Variants in FOXO1 observed in about 807,000 individuals in gnomAD.
The protein encoded by FOXO1 is forkhead box protein O1.
A neutral mutation model predicts 44.1 loss-of-function variants in FOXO1; 6 were observed. The ratio of observed to expected loss-of-function variants is 0.14; its 90% CI spans 0.07 to 0.27. The LOEUF (loss-of-function observed/expected upper bound fraction) is 0.27. Among genes scored for constraint, FOXO1 ranks in the 10% least tolerant of loss-of-function variants. The probability of loss-of-function intolerance (pLI) is 1.00; values close to 1 mark genes in which losing one functional copy is unlikely to be tolerated. For missense variants in FOXO1, 737 were observed against 888.8 expected, an observed-to-expected ratio of 0.83 and a Z score of 2.17; for synonymous variants, 380 against 362.7, an observed-to-expected ratio of 1.05 and a Z score of -0.54.
chr13:40,582,060 T>C (rs1028915165), intron 1 of FOXO1, among the ~76,000 whole-genome samples: 4 of 152,164 alleles, frequency 2.6e-5, no homozygotes, highest in Non-Finnish European at 5.9e-5. Flanking sequence ...ATGCCTTTCT[T>C]CATGTATGAA....
At chr13:40,624,366 AAG>A (rs1876718322) in intron 1 of FOXO1, among the ~76,000 whole-genome samples, 2 of 151,914 alleles carry the variant, frequency 1.3e-5, no homozygotes, top group African/African-American at 4.8e-5. Context: ...CCTAAGAGCA[AAG>A]AGAAATATGT....
intron 1 of FOXO1, among the ~76,000 whole-genome samples, chr13:40,604,965 C>A (rs1468127999): frequency 1.3e-5 from 2 of 152,030 alleles, no homozygotes; most frequent in Non-Finnish European, 2.9e-5. Context: ...CTATAGAAAC[C>A]TGGAATCTTT....
intron 1 of FOXO1, among the ~76,000 whole-genome samples, chr13:40,630,356 G>C (rs1285526007): frequency 6.6e-6 from 1 of 152,004 alleles, no homozygotes; most frequent in African/African-American, 2.4e-5. Flanking sequence ...AAAATCATTT[G>C]TCAACATGGA....
chr13:40,562,496 C>T (rs550678945), intron 1 of FOXO1, among the ~76,000 whole-genome samples: 11 of 152,260 alleles, frequency 7.2e-5, no homozygotes, highest in Admixed American at 1.3e-4. Flanking sequence ...ATTACAGAGC[C>T]TTATCAGGGT....
chr13:40,612,710 G>GAA (rs1198254694), intron 1 of FOXO1, among the ~76,000 whole-genome samples: 1 of 152,150 alleles, frequency 6.6e-6, no homozygotes, highest in Non-Finnish European at 1.5e-5. Flanking sequence ...GAGAGAGAGA[G>GAA]AAACCACATT....
intron 1 of FOXO1, among the ~76,000 whole-genome samples, chr13:40,605,408 G>A (rs1325458902): frequency 6.6e-6 from 1 of 152,094 alleles, no homozygotes; most frequent in African/African-American, 2.4e-5. Context: ...TAACCTAACA[G>A]TATTACCGTC....
In FOXO1 at chr13:40,608,403, G is replaced by T. The variant is rs118189580; in HGVS notation, c.631-47543C>A. On this transcript the variant is annotated intron_variant, in intron 1 of 2. Coordinates refer to ENST00000379561, the MANE Select transcript of FOXO1 (RefSeq NM_002015.4). ...CCTAGTCGCTCACCTTCCAGCCAAG[G>T]CCTCAAAGTGAGACACATGGAGTAG... 1.2e-3 allele frequency among the ~76,000 whole-genome samples: 181 copies of T among 152,264 alleles called. 1 individual carries two copies. The South Asian group carries it at 0.021, about 18-fold the overall frequency.
chr13:40,659,616 T>G (rs1331335478), intron 1 of FOXO1, among the ~76,000 whole-genome samples: 2 of 151,866 alleles, frequency 1.3e-5, no homozygotes, highest in African/African-American at 2.4e-5. Flanking sequence ...TGACTTAATA[T>G]CAAAACTAAC....
intron 1 of FOXO1, among the ~76,000 whole-genome samples, chr13:40,569,100 A>G (rs76098812): frequency 0.01 from 1,542 of 152,362 alleles, 33 homozygotes; most frequent in African/African-American, 0.035. Flanking sequence ...AACTCTAGTC[A>G]GTCATTCCAA....
At chr13:40,620,787 T>C (rs899217831) in intron 1 of FOXO1, among the ~76,000 whole-genome samples, 9 of 143,736 alleles carry the variant, frequency 6.3e-5, no homozygotes, top group Admixed American at 4.3e-4. Flanking sequence ...AAAACTACTA[T>C]TCTTCCCCTT....
chr13:40,604,649 T>C (rs1875932790), intron 1 of FOXO1, among the ~76,000 whole-genome samples: 1 of 152,186 alleles, frequency 6.6e-6, no homozygotes, highest in Non-Finnish European at 1.5e-5. Flanking sequence ...GGCTGGAAGC[T>C]TTCTTCTTTA....
At chr13:40,583,184 A>T (rs1875021388) in intron 1 of FOXO1, among the ~76,000 whole-genome samples, 1 of 152,196 alleles carries the variant, frequency 6.6e-6, no homozygotes, top group Admixed American at 6.5e-5. Context: ...GTAGGTCTCA[A>T]CTGTGGGCTT....
chr13:40,639,708 C>T (rs143837117), intron 1 of FOXO1, among the ~76,000 whole-genome samples: 29 of 152,318 alleles, frequency 1.9e-4, no homozygotes, highest in African/African-American at 6.3e-4. Flanking sequence ...CAACACATCC[C>T]CACCCAAGCT....
At chr13:40,652,870 C>T (rs1388504837) in intron 1 of FOXO1, among the ~76,000 whole-genome samples, 1 of 152,150 alleles carries the variant, frequency 6.6e-6, no homozygotes, top group African/African-American at 2.4e-5. Context: ...GGTTATTTTG[C>T]TTTCAAGCTT....
chr13:40,585,303 G>A lies in FOXO1; in HGVS notation c.631-24443C>T, dbSNP rs776030195. ...CAATTTCCTGGAATTTTCCTCCCCC[G>A]CTTTCCCCTTTAGTATGTAAGTATT... is the stretch of plus-strand genomic sequence containing the variant. On this transcript the variant is annotated intron_variant, in intron 1 of 2. Coordinates refer to ENST00000379561, the MANE Select transcript of FOXO1 (RefSeq NM_002015.4). 8.2e-4 allele frequency among the ~76,000 whole-genome samples: 124 copies of A among 151,388 alleles called. 1 individual carries two copies. The highest frequency in any genetic ancestry group is 2.2e-3 in the Admixed American group (34 of 15,228).
At chr13:40,660,226 T>C (rs1317138623) in intron 1 of FOXO1, among the ~76,000 whole-genome samples, 1 of 152,148 alleles carries the variant, frequency 6.6e-6, no homozygotes, top group Non-Finnish European at 1.5e-5. Flanking sequence ...AGGCAAATCT[T>C]GAACTGCAGG....
At chr13:40,597,911 C>A (rs148516610) in intron 1 of FOXO1, among the ~76,000 whole-genome samples, 1 of 152,294 alleles carries the variant, frequency 6.6e-6, no homozygotes, top group African/African-American at 2.4e-5. Context: ...TGCCCAGGAG[C>A]CGGCAGGCAG....
intron 1 of FOXO1, among the ~76,000 whole-genome samples, chr13:40,581,845 A>C (rs1241645723): frequency 6.6e-6 from 1 of 152,226 alleles, no homozygotes; most frequent in Non-Finnish European, 1.5e-5. Context: ...ACATTTATGT[A>C]AAGCTTTTTT....
At chr13:40,615,581 G>T (rs1876396785) in intron 1 of FOXO1, among the ~76,000 whole-genome samples, 1 of 149,762 alleles carries the variant, frequency 6.7e-6, no homozygotes, top group Admixed American at 6.6e-5. Flanking sequence ...ACATACAGCA[G>T]AAGGGATGGT....
Sources: gnomAD v4.1 joint callset for allele counts (sites outside exome capture counted in the v4.1 genomes callset) on GRCh38, gnomAD v4.1.1 for gene constraint, MANE v1.5 for transcripts, NCBI Gene and HGNC (gene_info 2026-07-23, HGNC 2026-07-21) for gene names.